The following AAK1 variants were observed in gnomAD, a reference collection of about 807,000 sequenced individuals.
The protein encoded by AAK1 is AP2-associated protein kinase 1.
In AAK1, 37 loss-of-function variants were observed where a neutral mutation model predicts 116.0. The ratio of observed to expected loss-of-function variants is 0.32; its 90% CI spans 0.25 to 0.42. The LOEUF is 0.42. Ranked by LOEUF, AAK1 falls within the 10% of genes least tolerant of loss-of-function variation. AAK1 has a pLI of 1.00. For missense variants in AAK1, 919 were observed against 1,170.6 expected (o/e 0.79, Z 3.14); for synonymous variants, 458 against 439.9 (o/e 1.04, Z -0.51).
intron 2 of AAK1, among the ~76,000 whole-genome samples, chr2:69,596,585 T>TA (rs1236745253): frequency 6.6e-6 from 1 of 152,216 alleles, no homozygotes; most frequent in South Asian, 2.1e-4. Flanking sequence ...CTGCCACAGA[T>TA]AGAGGCTCCT....
intron 5 of AAK1, among the ~76,000 whole-genome samples, chr2:69,535,597 G>A (rs908405493): frequency 2.6e-5 from 4 of 152,054 alleles, no homozygotes; most frequent in Admixed American, 6.5e-5. Flanking sequence ...TAGTATAGTC[G>A]GGGAAGGTCT....
At chr2:69,621,639 T>C (rs572940808) in intron 2 of AAK1, among the ~76,000 whole-genome samples, 81 of 152,326 alleles carry the variant, frequency 5.3e-4, no homozygotes, top group African/African-American at 1.8e-3. Flanking sequence ...TGGGGTGGTT[T>C]GTTATACAGC....
In AAK1 at chr2:69,525,047, G is replaced by T; in HGVS notation, c.1041C>A (p.Thr347=). 6.2e-7 allele frequency: 1 copy of T among 1,613,898 alleles called. No homozygotes were observed. Among genetic ancestry groups the T allele is most frequent in the East Asian group, 2.2e-5 (1 of 44,876 alleles). The change falls in exon 10 of 22, where the codon ACC becomes ACA. Residue 347 remains threonine (T), a synonymous_variant. Coordinates refer to ENST00000409085, the MANE Select transcript of AAK1 (RefSeq NM_014911.5). ...GCATTTCTTACCTGGCCTTTGGCTG[G>T]GTCTTTTTTGCAGCTGCCTCACTGG... is the stretch of plus-strand genomic sequence containing the variant. ...VKASEAAAKK[T]QPKARLTDPI... is the part of the protein sequence containing the mutation.
Position 69,460,708 on chromosome 2 carries a change from G to C in AAK1, c.*15161C>G, listed in dbSNP as rs1674318555. 1 of 152,240 alleles carries C rather than the reference G, an allele frequency of 6.6e-6. No homozygotes were observed. Among genetic ancestry groups the C allele is most frequent in the African/African-American group, 2.4e-5 (1 of 41,460 alleles). The allele number at this position is 152,240 out of a possible 1,614,324, so 9.4% of individuals were successfully genotyped here. A position where few individuals can be genotyped will look rare whatever the true frequency, so the allele number is the denominator to read the frequency against. On this transcript the variant is annotated 3_prime_UTR_variant, in exon 22 of 22. Coordinates refer to ENST00000409085, the MANE Select transcript of AAK1 (RefSeq NM_014911.5). The stretch of plus-strand genomic sequence containing the variant: ...TAGACTCCCTGGGTGCTGCTCAGCA[G>C]CTGCTTCAGCATCAAATTGTGTTCA...
intron 2 of AAK1, among the ~76,000 whole-genome samples, chr2:69,575,124 A>G (rs1197510838): frequency 1.3e-5 from 2 of 151,618 alleles, no homozygotes; most frequent in Non-Finnish European, 2.9e-5. Flanking sequence ...ATGTTCTATA[A>G]TGACCATATA....
Position 69,460,011 on chromosome 2 carries a change from C to G in AAK1, c.*15858G>C, listed in dbSNP as rs1391251661. Reference sequence around the variant, plus strand: ...TAGGTGGAGTTGGAACATTAGAACTCAGGGGTGGTTTGGATATTAACAAGG... The same window carrying G: ...TAGGTGGAGTTGGAACATTAGAACTGAGGGGTGGTTTGGATATTAACAAGG... On this transcript the variant is annotated 3_prime_UTR_variant, in exon 22 of 22. Transcript: ENST00000409085. The G allele has an allele frequency of 6.6e-6, 1 of 152,142 alleles. No homozygotes were observed. The highest frequency in any genetic ancestry group is 2.4e-5 in the African/African-American group (1 of 41,418). The allele number at this position is 152,142 out of a possible 1,614,324, so 9.4% of individuals were successfully genotyped here. A position where few individuals can be genotyped will look rare whatever the true frequency, so the allele number is the denominator to read the frequency against.
intron 16 of AAK1, among the ~76,000 whole-genome samples, chr2:69,499,060 G>C (rs1363657516): frequency 1.3e-5 from 2 of 152,188 alleles, no homozygotes; most frequent in African/African-American, 2.4e-5. Flanking sequence ...GTCAGCCCCA[G>C]TGTGCCAGCA....
At chr2:69,513,930 A>T (rs1676486137) in intron 13 of AAK1, among the ~76,000 whole-genome samples, 1 of 152,190 alleles carries the variant, frequency 6.6e-6, no homozygotes, top group Non-Finnish European at 1.5e-5. Context: ...GATGGCTCAA[A>T]TGACTGGATA....
chr2:69,524,705 T>C (rs1432552150), intron 10 of AAK1, among the ~76,000 whole-genome samples: 1 of 152,166 alleles, frequency 6.6e-6, no homozygotes, highest in Non-Finnish European at 1.5e-5. Flanking sequence ...AGTGCTGGGA[T>C]TATAGACGTG....
At chr2:69,537,013 T>C (rs1670503684) in intron 5 of AAK1, among the ~76,000 whole-genome samples, 1 of 152,192 alleles carries the variant, frequency 6.6e-6, no homozygotes, top group Non-Finnish European at 1.5e-5. Context: ...CTTGGACAAA[T>C]AGCATGGTAT....
intron 3 of AAK1, among the ~76,000 whole-genome samples, chr2:69,550,826 G>C (rs2105071300): frequency 6.6e-6 from 1 of 152,232 alleles, no homozygotes; most frequent in African/African-American, 2.4e-5. Flanking sequence ...ATTTTGGACA[G>C]GCTGGTCTCA....
Position 69,468,176 on chromosome 2 carries a change from G to A in AAK1, c.*7693C>T, listed in dbSNP as rs975813134. ...AGTATGTGCAGCTACATGGTGATAC[G>A]AAAGCATCAGTCAGTGGACAGGAAA... On this transcript the variant is annotated 3_prime_UTR_variant, in exon 22 of 22. Coordinates refer to ENST00000409085, the MANE Select transcript of AAK1 (RefSeq NM_014911.5). The A allele has an allele frequency of 3.6e-5, 35 of 985,206 alleles. No individual in the cohort carries two copies. The highest frequency in any genetic ancestry group is 1.7e-4 in the African/African-American group (10 of 57,224). 61.0% of individuals were successfully genotyped at this position (985,206 alleles called of 1,614,324 possible). A position where few individuals can be genotyped will look rare whatever the true frequency, so the allele number is the denominator to read the frequency against.
At chr2:69,527,624 G>A (rs987666573) in intron 8 of AAK1, among the ~76,000 whole-genome samples, 21 of 152,066 alleles carry the variant, frequency 1.4e-4, no homozygotes, top group African/African-American at 4.1e-4. Context: ...TTCATACTCC[G>A]ATACCTAGGA....
At chr2:69,575,680 C>A in intron 2 of AAK1, among the ~76,000 whole-genome samples, 1 of 152,220 alleles carries the variant, frequency 6.6e-6, no homozygotes, top group East Asian at 1.9e-4. Context: ...ACTGGCCAGG[C>A]TGGTCTCGAA....
chr2:69,513,523 C>A (rs1480493383), intron 13 of AAK1, among the ~76,000 whole-genome samples: 2 of 152,268 alleles, frequency 1.3e-5, no homozygotes, highest in South Asian at 2.1e-4. Context: ...CGTGGTTTCA[C>A]CACGTTAGCC....
At chr2:69,487,861 C>T (rs1232863590) in intron 17 of AAK1, among the ~76,000 whole-genome samples, 1 of 149,764 alleles carries the variant, frequency 6.7e-6, no homozygotes. Flanking sequence ...GCGATCTCAG[C>T]TCACTGCAAC....
At chr2:69,485,803 T>C (rs550401890) in intron 17 of AAK1, among the ~76,000 whole-genome samples, 31 of 151,558 alleles carry the variant, frequency 2.0e-4, no homozygotes, top group Non-Finnish European at 3.7e-4. Flanking sequence ...GGATTACGAG[T>C]GTGCGCCACC....
At chr2:69,586,325 A>T (rs1289999267) in intron 2 of AAK1, among the ~76,000 whole-genome samples, 1 of 152,168 alleles carries the variant, frequency 6.6e-6, no homozygotes, top group Non-Finnish European at 1.5e-5. Context: ...CAGGCTGGTA[A>T]TGAGGCAGAA....
chr2:69,466,756 T>A lies in AAK1; in HGVS notation c.*9113A>T, dbSNP rs1410150293. ...AACCACTGTCTCACGTTTTGGAACATGATAGGCACGACGTACAGGAAAGGA... is the reference window on the plus strand; with the variant it reads ...AACCACTGTCTCACGTTTTGGAACAAGATAGGCACGACGTACAGGAAAGGA... On this transcript the variant is annotated 3_prime_UTR_variant, in exon 22 of 22. Transcript: ENST00000409085. The A allele has an allele frequency of 2.0e-6, 2 of 985,196 alleles. No homozygotes were observed. Among genetic ancestry groups the A allele is most frequent in the African/African-American group, 1.7e-5 (1 of 57,196 alleles). 61.0% of individuals were successfully genotyped at this position (985,196 alleles called of 1,614,324 possible).
Sources: gnomAD v4.1 joint callset for allele counts (sites outside exome capture counted in the v4.1 genomes callset) on GRCh38, gnomAD v4.1.1 for gene constraint, MANE v1.5 for transcripts, NCBI Gene and HGNC (gene_info 2026-07-23, HGNC 2026-07-21) for gene names.